PTCHD4: variants seen among roughly 807,000 people sequenced by gnomAD.
PTCHD4 encodes patched domain containing 4, also known as patched domain-containing protein 4.
Under a neutral mutation model 58.1 loss-of-function variants are expected in PTCHD4, and 33 were observed. The observed-to-expected ratio is 0.57, with a 90% CI of 0.43 to 0.76. PTCHD4 has a LOEUF of 0.76. PTCHD4 is among the 30% of genes least tolerant of loss of function. PTCHD4 has a pLI of 0.00. For missense variants in PTCHD4, 1,058 were observed against 1,027.1 expected (o/e 1.03, Z -0.41); for synonymous variants, 478 against 409.6 (o/e 1.17, Z -2.02).
chr6:47,952,769 C>A (rs1297600004), intron 4 of PTCHD4, among the ~76,000 whole-genome samples: 2 of 152,006 alleles, frequency 1.3e-5, no homozygotes, highest in Admixed American at 6.6e-5. Flanking sequence ...TAGGCTATAT[C>A]ATTTCAGTTT....
chr6:47,891,851 A>T (rs1764391178), intron 4 of PTCHD4, among the ~76,000 whole-genome samples: 1 of 152,198 alleles, frequency 6.6e-6, no homozygotes, highest in Non-Finnish European at 1.5e-5. Context: ...GGTATTTTAT[A>T]ACAAATATTT....
Position 48,010,204 on chromosome 6 carries a change from C to T in PTCHD4, c.418-1090G>A, listed in dbSNP as rs182250607. 1.4e-3 allele frequency among the ~76,000 whole-genome samples: 213 copies of T among 152,234 alleles called. 2 individuals are homozygous for T. The highest frequency in any genetic ancestry group is 4.7e-3 in the African/African-American group (197 of 41,548). On this transcript the variant is annotated intron_variant, in intron 3 of 4. Transcript: ENST00000339488. Reference sequence around the variant, plus strand: ...TCAAGTACCAGGTGAGAGACAGGCACTAAGGTATGTTTATGTCACAGTAGA... The same window carrying T: ...TCAAGTACCAGGTGAGAGACAGGCATTAAGGTATGTTTATGTCACAGTAGA...
intron 4 of PTCHD4, among the ~76,000 whole-genome samples, chr6:47,907,008 T>C (rs750154814): frequency 6.6e-6 from 1 of 152,186 alleles, no homozygotes; most frequent in African/African-American, 2.4e-5. Context: ...TTTTCCAAAG[T>C]AGGACCATTT....
intron 4 of PTCHD4, among the ~76,000 whole-genome samples, chr6:47,897,382 C>G (rs1764556676): frequency 6.6e-6 from 1 of 152,224 alleles, no homozygotes; most frequent in Non-Finnish European, 1.5e-5. Context: ...GGCTTGCTCT[C>G]AGCTTTCTCA....
intron 4 of PTCHD4, among the ~76,000 whole-genome samples, chr6:48,007,945 C>A (rs1762518089): frequency 6.6e-6 from 1 of 151,418 alleles, no homozygotes. Context: ...CGCACACACA[C>A]ACACACACAC....
chr6:47,997,399 C>T (rs1262761908), intron 4 of PTCHD4, among the ~76,000 whole-genome samples: 2 of 152,006 alleles, frequency 1.3e-5, no homozygotes, highest in African/African-American at 4.8e-5. Flanking sequence ...ACCTCAAATA[C>T]TGTTAATAAA....
intron 1 of PTCHD4, among the ~76,000 whole-genome samples, chr6:48,105,471 G>A (rs1009241106): frequency 6.6e-6 from 1 of 152,162 alleles, no homozygotes; most frequent in Non-Finnish European, 1.5e-5. Flanking sequence ...GAAATTTATA[G>A]CACTAAATAC....
intron 4 of PTCHD4, among the ~76,000 whole-genome samples, chr6:47,913,557 G>A (rs1765134098): frequency 6.6e-6 from 1 of 152,124 alleles, no homozygotes; most frequent in Non-Finnish European, 1.5e-5. Flanking sequence ...ATAAGATAAA[G>A]TCATTGATTC....
intron 3 of PTCHD4, among the ~76,000 whole-genome samples, chr6:48,035,227 T>C (rs1763590027): frequency 6.6e-6 from 1 of 152,102 alleles, no homozygotes; most frequent in African/African-American, 2.4e-5. Flanking sequence ...TGGAAGATGA[T>C]AATACATCTA....
At chr6:47,954,479 T>C (rs1187433597) in intron 4 of PTCHD4, among the ~76,000 whole-genome samples, 1 of 152,228 alleles carries the variant, frequency 6.6e-6, no homozygotes, top group Non-Finnish European at 1.5e-5. Context: ...AACCTCTTGC[T>C]AAGGTTTTGA....
At chr6:48,028,004 C>T (rs188734194) in intron 3 of PTCHD4, among the ~76,000 whole-genome samples, 138 of 152,122 alleles carry the variant, frequency 9.1e-4, no homozygotes, top group African/African-American at 2.9e-3. Context: ...TATAGTGGTG[C>T]GATCTCTGCT....
In PTCHD4 at chr6:47,872,327, T is replaced by G. The variant is rs143639097; in HGVS notation, c.*5976A>C. Reference sequence around the variant, plus strand: ...ATGCAGTCTTCCAAAGCATTAGAATTTTTTTCCCCCTCTGGTTTGACAGAG... The same window carrying G: ...ATGCAGTCTTCCAAAGCATTAGAATGTTTTTCCCCCTCTGGTTTGACAGAG... On this transcript the variant is annotated 3_prime_UTR_variant, in exon 5 of 5. Coordinates refer to ENST00000339488, the MANE Select transcript of PTCHD4 (RefSeq NM_001384253.1). Among the ~76,000 whole-genome samples, 1 of 151,638 alleles carries G rather than the reference T, an allele frequency of 6.6e-6. No homozygotes were observed. The highest frequency in any genetic ancestry group is 1.9e-4 in the East Asian group (1 of 5,152).
chr6:47,966,010 A>T (rs1373907275), intron 4 of PTCHD4, among the ~76,000 whole-genome samples: 1 of 152,214 alleles, frequency 6.6e-6, no homozygotes, highest in Non-Finnish European at 1.5e-5. Flanking sequence ...GCATTGAGGA[A>T]TAAAATATGG....
intron 4 of PTCHD4, among the ~76,000 whole-genome samples, chr6:47,930,736 T>C (rs898161336): frequency 2.0e-5 from 3 of 152,210 alleles, no homozygotes. Context: ...TCCTTTCATA[T>C]TATAAATATT....
At chr6:47,917,373 A>G (rs1232933060) in intron 4 of PTCHD4, among the ~76,000 whole-genome samples, 4 of 152,172 alleles carry the variant, frequency 2.6e-5, no homozygotes, top group Non-Finnish European at 5.9e-5. Context: ...CAGTCTAAAT[A>G]ACAAAAGTCA....
At chr6:47,907,227 A>T (rs1764917753) in intron 4 of PTCHD4, among the ~76,000 whole-genome samples, 1 of 152,174 alleles carries the variant, frequency 6.6e-6, no homozygotes, top group Non-Finnish European at 1.5e-5. Flanking sequence ...GAGACCAGTA[A>T]AATTTCCTGA....
chr6:47,910,008 T>C (rs188568628), intron 4 of PTCHD4, among the ~76,000 whole-genome samples: 12 of 152,282 alleles, frequency 7.9e-5, no homozygotes, highest in African/African-American at 2.6e-4. Flanking sequence ...TAGGAGGTCA[T>C]TAATAACTGA....
At chr6:47,892,272 T>C (rs529672590) in intron 4 of PTCHD4, among the ~76,000 whole-genome samples, 2 of 152,138 alleles carry the variant, frequency 1.3e-5, no homozygotes. Flanking sequence ...GCATATACTT[T>C]AAAAATTAAG....
chr6:47,879,869 G>A lies in PTCHD4; in HGVS notation c.966C>T (p.Phe322=), dbSNP rs751692711. 6.2e-7 allele frequency: 1 copy of A among 1,600,048 alleles called. No homozygotes were observed. Among genetic ancestry groups the A allele is most frequent in the South Asian group, 1.1e-5 (1 of 89,044 alleles). Residue 322 remains phenylalanine, a synonymous_variant, in exon 5 of 5, where the codon TTC becomes TTT. Coordinates refer to ENST00000339488, the MANE Select transcript of PTCHD4 (RefSeq NM_001384253.1). ...GWRRTKENLP[F]KDRIADAYSD... is the part of the protein sequence containing the mutation. ...AATAGGCATCTGCTATCCTGTCTTT[G>A]AAGGGCAAGTTCTCTTTGGTTCTCC...
Sources: allele counts gnomAD v4.1 joint callset (sites outside exome capture counted in the v4.1 genomes callset), GRCh38; gene constraint gnomAD v4.1.1; transcripts MANE v1.5; gene names NCBI Gene and HGNC (gene_info 2026-07-23, HGNC 2026-07-21).